The following PLAA variants were observed in gnomAD, a reference collection of about 807,000 sequenced individuals.
PLAA encodes the protein phospholipase A2 activating protein, also known as phospholipase A-2-activating protein.
In PLAA, 48 loss-of-function variants were observed where a neutral mutation model predicts 84.1. The ratio of observed to expected loss-of-function variants is 0.57; its 90% CI spans 0.45 to 0.73. PLAA has a LOEUF of 0.73. Ranked by LOEUF, PLAA falls within the 30% of genes least tolerant of loss-of-function variation. The pLI is 0.00. For synonymous variants in PLAA, 392 were observed against 336.6 expected (o/e 1.16, Z -1.80); for missense variants, 903 against 954.7 (o/e 0.95, Z 0.71).
intron 1 of PLAA, among the ~76,000 whole-genome samples, chr9:26,937,858 C>T (rs1162380665): frequency 8.2e-6 from 1 of 121,732 alleles, no homozygotes. Context: ...TTGAAGAACA[C>T]AAAAAAAGAC....
At chr9:26,916,922 C>T (rs1824581892) in intron 10 of PLAA, among the ~76,000 whole-genome samples, 175 bp downstream of exon 10, 1 of 152,090 alleles carries the variant, frequency 6.6e-6, no homozygotes. Context: ...ATCTACACAA[C>T]CACTCCAGGA....
rs1170718398 is a variant in PLAA, at chr9:26,913,870, A to T, written c.1555+9T>A. On this transcript the variant is annotated intron_variant, in intron 11 of 13. Transcript: ENST00000397292. ...CTAAAAAAAAGAAAAAGAAATAAAAAGTATGTACCTGTAAATGGATCAACT... is the reference window on the plus strand; with the variant it reads ...CTAAAAAAAAGAAAAAGAAATAAAATGTATGTACCTGTAAATGGATCAACT... The T allele has an allele frequency of 2.6e-6, 4 of 1,554,262 alleles. No individual in the cohort carries two copies. The highest frequency in any genetic ancestry group is 3.5e-6 in the Non-Finnish European group (4 of 1,146,062).
In PLAA at chr9:26,947,100, G is replaced by A. The variant is rs530888910; in HGVS notation, c.-55C>T. The A allele has an allele frequency of 1.6e-4, 229 of 1,431,520 alleles. 1 individual carries two copies. The African/African-American group carries it at 3.0e-3, about 19-fold the overall frequency. 88.7% of individuals were successfully genotyped at this position (1,431,520 alleles called of 1,614,324 possible). A position where few individuals can be genotyped will look rare whatever the true frequency, so the allele number is the denominator to read the frequency against. On this transcript the variant is annotated 5_prime_UTR_variant, in exon 1 of 14. Coordinates refer to ENST00000397292, the MANE Select transcript of PLAA (RefSeq NM_001031689.3). ...AGGCACTGTGCGAGACCAGTCCGCA[G>A]GGGCGACTCGGAGAGCGCCGGGCCG... is the stretch of plus-strand genomic sequence containing the variant.
intron 1 of PLAA, 34 bp from the exon 2 acceptor site, chr9:26,935,240 C>A: frequency 1.4e-6 from 2 of 1,388,164 alleles, no homozygotes; most frequent in Non-Finnish European, 1.9e-6. Context: ...GATACATATT[C>A]GTACCCTGAC....
At chr9:26,945,299 G>A (rs1825656670) in intron 1 of PLAA, among the ~76,000 whole-genome samples, 1 of 152,114 alleles carries the variant, frequency 6.6e-6, no homozygotes, top group South Asian at 2.1e-4. Flanking sequence ...TATTAAAACA[G>A]GCATCCTTGA....
At position 26,919,542 on chromosome 9, in the gene PLAA, T is replaced by C. The variant is rs10120313; in HGVS notation, c.1198-13A>G. ...CATAATCAAATTCCTAAAGTAGGAA[T>C]ATAAAAAGGAGATACATGCTTATTA... is the stretch of plus-strand genomic sequence containing the variant. On this transcript the variant is annotated splice_polypyrimidine_tract_variant and intron_variant, in intron 8 of 13. Coordinates refer to ENST00000397292, the MANE Select transcript of PLAA (RefSeq NM_001031689.3). 4.2e-4 allele frequency: 589 copies of C among 1,404,170 alleles called. 2 individuals are homozygous for C. The African/African-American group carries it at 7.5e-3, about 18-fold the overall frequency. The allele number at this position is 1,404,170 out of a possible 1,614,324, so 87.0% of individuals were successfully genotyped here.
At chr9:26,939,613 A>G (rs1825467939) in intron 1 of PLAA, among the ~76,000 whole-genome samples, 1 of 151,956 alleles carries the variant, frequency 6.6e-6, no homozygotes, top group Non-Finnish European at 1.5e-5. Context: ...ATTGGCAGAA[A>G]CCATTTTAAA....
chr9:26,915,349 T>C lies in PLAA; in HGVS notation c.1487-1402A>G, dbSNP rs182907390. 1.8e-4 allele frequency among the ~76,000 whole-genome samples: 28 copies of C among 152,310 alleles called. No homozygotes were observed. In the East Asian group the frequency reaches 4.2e-3, roughly 23 times the overall value. On this transcript the variant is annotated intron_variant, in intron 10 of 13. Transcript: ENST00000397292. ...CTAGTGAATCAGAATCTCTTGGCCA[T>C]AGAACCCTGGGATAAGTAATTTAAA...
chr9:26,944,578 G>C (rs963290587), intron 1 of PLAA, among the ~76,000 whole-genome samples: 26 of 151,876 alleles, frequency 1.7e-4, no homozygotes, highest in African/African-American at 6.0e-4. Flanking sequence ...AATTACAATA[G>C]CTGATGAGCA....
chr9:26,914,766 T>C (rs1284070910), intron 10 of PLAA, among the ~76,000 whole-genome samples: 1 of 152,214 alleles, frequency 6.6e-6, no homozygotes, highest in Non-Finnish European at 1.5e-5. Flanking sequence ...GGCATTAAGC[T>C]GTTAAAAGGT....
rs376023609 is a variant in PLAA, at chr9:26,940,919, T to C, written c.150-5713A>G. Among the ~76,000 whole-genome samples, 14 of 152,282 alleles carry C rather than the reference T, an allele frequency of 9.2e-5. No individual in the cohort carries two copies. The East Asian group carries it at 2.1e-3, about 23-fold the overall frequency. Reference sequence around the variant, plus strand: ...AATAAGCCCAGAGGAAGTCAAAAGATAGAACATGTTTTAAAATCTGTATTA... The same window carrying C: ...AATAAGCCCAGAGGAAGTCAAAAGACAGAACATGTTTTAAAATCTGTATTA... On this transcript the variant is annotated intron_variant, in intron 1 of 13. Coordinates refer to ENST00000397292, the MANE Select transcript of PLAA (RefSeq NM_001031689.3).
intron 2 of PLAA, among the ~76,000 whole-genome samples, chr9:26,933,532 T>C (rs1825252019): frequency 6.6e-6 from 1 of 151,902 alleles, no homozygotes; most frequent in Non-Finnish European, 1.5e-5. Flanking sequence ...CTCACGCCTG[T>C]AATCCCAGCA....
chr9:26,926,125 AT>A (rs374263853), intron 5 of PLAA, among the ~76,000 whole-genome samples, 165 bp from the exon 6 acceptor site: 15 of 152,296 alleles, frequency 9.8e-5, no homozygotes, highest in African/African-American at 3.1e-4. Context: ...TCAAAATCAC[AT>A]TTTTTATTCA....
Position 26,907,836 on chromosome 9 carries a change from T to G in PLAA, c.1820A>C (p.Glu607Ala). 6.2e-7 allele frequency: 1 copy of G among 1,600,982 alleles called. No individual in the cohort carries two copies. Among genetic ancestry groups the G allele is most frequent in the Non-Finnish European group, 8.5e-7 (1 of 1,176,844 alleles). ...QILWKAINCP[E>A]DIVFPALDIL... ...ATTTTTGAAGAGTGTTTATTTACCT[T>G]CAGGACAGTTAATAGCTTTCCACAA... is the stretch of plus-strand genomic sequence containing the variant. Residue 607 changes from glutamate (E) to alanine (A), a missense_variant and splice_region_variant, in exon 13 of 14, where the codon GAA (glutamate) becomes GCA (alanine). Transcript: ENST00000397292.
intron 1 of PLAA, among the ~76,000 whole-genome samples, chr9:26,945,840 G>T (rs557872192): frequency 3.9e-5 from 6 of 152,272 alleles, no homozygotes; most frequent in African/African-American, 1.4e-4. Flanking sequence ...TCCATCTCAT[G>T]CTTCAAATGT....
At position 26,923,270 on chromosome 9, in the gene PLAA, T is replaced by A; in HGVS notation, c.947A>T (p.Glu316Val). ...SAEEIKAFEKELSHATIDSKT... is the reference protein window; with the variant it reads ...SAEEIKAFEKVLSHATIDSKT... ...AGAATCAATGGTTGCGTGAGACAGT[T>A]CTTTTTCAAAAGCCTTGATTTCTTC... is the stretch of plus-strand genomic sequence containing the variant. The change falls in exon 7 of 14, where the codon GAA becomes GTA. Residue 316 changes from glutamate (E) to valine (V), a missense_variant. By Grantham distance (121) the Glu-to-Val change is moderately radical. Transcript: ENST00000397292. 2.5e-6 allele frequency: 4 copies of A among 1,613,984 alleles called. No homozygotes were observed. Among genetic ancestry groups the A allele is most frequent in the Non-Finnish European group, 3.4e-6 (4 of 1,179,856 alleles).
Position 26,947,013 on chromosome 9 carries a change from G to C in PLAA, c.33C>G (p.Ser11Arg). Reference sequence around the variant, plus strand: ...CCAGCTCGTGGCCCCGGAGCGAGCAGCTCAGCCGGTACCTGGTTGCGCCGC... The same window carrying C: ...CCAGCTCGTGGCCCCGGAGCGAGCACCTCAGCCGGTACCTGGTTGCGCCGC... The part of the protein sequence containing the change: MTSGATRYRL[S>R]CSLRGHELDV... The change falls in exon 1 of 14, where the codon AGC becomes AGG. Residue 11 changes from serine to arginine, a missense_variant. By Grantham distance (110) the Ser-to-Arg change is moderately radical (BLOSUM62 -1). Coordinates refer to ENST00000397292, the MANE Select transcript of PLAA (RefSeq NM_001031689.3). 2 of 1,592,620 alleles carry C rather than the reference G, an allele frequency of 1.3e-6. No individual in the cohort carries two copies. The highest frequency in any genetic ancestry group is 2.3e-5 in the South Asian group (2 of 87,566).
At chr9:26,916,068 T>C (rs1824546370) in intron 10 of PLAA, 1 of 985,442 alleles carries the variant, frequency 1.0e-6, no homozygotes, top group African/African-American at 1.7e-5. Context: ...TTGTTATCAA[T>C]GCACATGGTA....
Position 26,947,008 on chromosome 9 carries a change from G to A in PLAA, c.38C>T (p.Ser13Leu), listed in dbSNP as rs1237542104. ...TACGTCCAGCTCGTGGCCCCGGAGC[G>A]AGCAGCTCAGCCGGTACCTGGTTGC... is the stretch of plus-strand genomic sequence containing the variant. Reference protein sequence around the residue: ...SGATRYRLSCSLRGHELDVRG... With the variant: ...SGATRYRLSCLLRGHELDVRG... The change falls in exon 1 of 14, where the codon TCG becomes TTG. Residue 13 changes from serine to leucine, a missense_variant. Transcript: ENST00000397292. 3 of 1,593,226 alleles carry A rather than the reference G, an allele frequency of 1.9e-6. No individual in the cohort carries two copies. Among genetic ancestry groups the A allele is most frequent in the Non-Finnish European group, 1.7e-6 (2 of 1,170,786 alleles).
Sources: gnomAD v4.1 joint callset for allele counts (sites outside exome capture counted in the v4.1 genomes callset) on GRCh38, gnomAD v4.1.1 for gene constraint, MANE v1.5 for transcripts, NCBI Gene and HGNC (gene_info 2026-07-23, HGNC 2026-07-21) for gene names.